Variants in SLC37A1 observed in about 807,000 individuals in gnomAD.
SLC37A1 encodes the protein glucose-6-phosphate exchanger SLC37A1.
A neutral mutation model predicts 75.3 loss-of-function variants in SLC37A1; 49 were observed. The observed-to-expected ratio is 0.65, with a 90% confidence interval of 0.52 to 0.83. The LOEUF (loss-of-function observed/expected upper bound fraction) is 0.83. SLC37A1 is among the 40% of genes least tolerant of loss of function. The probability of loss-of-function intolerance (pLI) is 0.00; values close to 1 mark genes in which losing one functional copy is unlikely to be tolerated. For missense variants in SLC37A1, 566 were observed against 695.0 expected (o/e 0.81, Z 2.09); for synonymous variants, 268 against 292.1 (o/e 0.92, Z 0.84).
At position 42,556,388 on chromosome 21, in the gene SLC37A1, G is replaced by A. The variant is rs181291225; in HGVS notation, c.849+2246G>A. ...TGTGACTCCACCGTGCACTTTGCAC[G>A]CCAAGTGGGGACTCCACAAATCTCT... is the stretch of plus-strand genomic sequence containing the variant. On this transcript the variant is annotated intron_variant, in intron 10 of 19. Transcript: ENST00000352133. Among the ~76,000 whole-genome samples the A allele has an allele frequency of 4.6e-4, 70 of 152,350 alleles. No individual in the cohort carries two copies. The East Asian group carries it at 0.01, about 22-fold the overall frequency.
chr21:42,562,173 G>A lies in SLC37A1; in HGVS notation c.1072+5G>A, dbSNP rs748857026. 6.2e-7 allele frequency: 1 copy of A among 1,613,174 alleles called. No individual in the cohort carries two copies. Among genetic ancestry groups the A allele is most frequent in the Non-Finnish European group, 8.5e-7 (1 of 1,179,152 alleles). On this transcript the variant is annotated splice_donor_5th_base_variant and intron_variant, in intron 12 of 19. Coordinates refer to ENST00000352133, the MANE Select transcript of SLC37A1 (RefSeq NM_001320537.2). The stretch of plus-strand genomic sequence containing the variant: ...CCCTGTACATCACGAATGTGGGTGA[G>A]TATCCACGCTAGAACACATTAAATT...
chr21:42,537,585 T>C (rs1047518662), intron 5 of SLC37A1, among the ~76,000 whole-genome samples: 4 of 152,176 alleles, frequency 2.6e-5, no homozygotes, highest in Admixed American at 6.5e-5. Context: ...ATCTAGTGGC[T>C]AGAAACCAGG....
In SLC37A1 at chr21:42,500,999, G is replaced by A. The variant is rs114058413; in HGVS notation, c.-301+1256G>A. 8.6e-3 allele frequency among the ~76,000 whole-genome samples: 1,315 copies of A among 152,328 alleles called. 25 individuals are homozygous for A. The highest frequency in any genetic ancestry group is 0.03 in the African/African-American group (1,245 of 41,572). On this transcript the variant is annotated intron_variant, in intron 1 of 20. Transcript: ENST00000398341. ...CCAGGAAGTGAGATTATTCAGTGAT[G>A]CATCAAAACCAGTAGGGAAAACAGT... is the stretch of plus-strand genomic sequence containing the variant.
At chr21:42,526,440 G>A (rs1306566693) in intron 3 of SLC37A1, among the ~76,000 whole-genome samples, 2 of 152,344 alleles carry the variant, frequency 1.3e-5, no homozygotes, top group South Asian at 2.1e-4. Context: ...GGCCTGAGAG[G>A]CATTAGAGTC....
chr21:42,568,479 G>A (rs758650141), intron 17 of SLC37A1, 41 bp downstream of exon 17: 2 of 1,583,230 alleles, frequency 1.3e-6, no homozygotes, highest in East Asian at 4.5e-5. Context: ...TGGTGTCTTA[G>A]GGGAAATCAC....
In SLC37A1 at chr21:42,576,975, C is replaced by A. The variant is rs7276962; in HGVS notation, c.1521+2060C>A. Among the ~76,000 whole-genome samples, 752 of 152,208 alleles carry A rather than the reference C, an allele frequency of 4.9e-3. 6 individuals carry two copies. Among genetic ancestry groups the A allele is most frequent in the African/African-American group, 0.017 (720 of 41,526 alleles). On this transcript the variant is annotated intron_variant, in intron 18 of 19. Coordinates refer to ENST00000352133, the MANE Select transcript of SLC37A1 (RefSeq NM_001320537.2). ...GGAAGATGATAGACTGGATTTGAAG[C>A]AATATTTTAAGACAAAATAGCTGAG...
chr21:42,574,742 C>T, intron 17 of SLC37A1, 76 bp from the exon 18 acceptor site: 4 of 1,420,734 alleles, frequency 2.8e-6, no homozygotes, highest in Non-Finnish European at 3.9e-6. Flanking sequence ...TGTTGAGCCC[C>T]ATTCTCTGTG....
At position 42,545,705 on chromosome 21, in the gene SLC37A1, A is replaced by G. The variant is rs1468446086; in HGVS notation, c.731-1398A>G. 2.0e-5 allele frequency among the ~76,000 whole-genome samples: 3 copies of G among 152,272 alleles called. No homozygotes were observed. The highest frequency in any genetic ancestry group is 7.2e-5 in the African/African-American group (3 of 41,474). ...AAGCCCCTGGCTTACCCCTGGGGGCATCACACTGTGAGTGGATACCGATGG... is the reference window on the plus strand; with the variant it reads ...AAGCCCCTGGCTTACCCCTGGGGGCGTCACACTGTGAGTGGATACCGATGG... On this transcript the variant is annotated intron_variant, in intron 8 of 19. Transcript: ENST00000352133. This position sits in a 1 kb window ranked among gnomAD's most constrained non-coding sequence, Gnocchi z 4.0.
intron 2 of SLC37A1, among the ~76,000 whole-genome samples, chr21:42,523,142 C>T (rs943872735): frequency 6.6e-6 from 1 of 152,240 alleles, no homozygotes; most frequent in Non-Finnish European, 1.5e-5. Flanking sequence ...TCCTTCCTAG[C>T]TGGGTGATAA....
chr21:42,564,113 CAG>C (rs1249308039), intron 13 of SLC37A1, among the ~76,000 whole-genome samples: 3 of 151,196 alleles, frequency 2.0e-5, no homozygotes, highest in East Asian at 1.9e-4. Flanking sequence ...CAGCTGGACT[CAG>C]GGGCTCATGC....
Position 42,565,427 on chromosome 21 carries a change from A to G in SLC37A1, c.1222-400A>G, listed in dbSNP as rs112915824. On this transcript the variant is annotated intron_variant, in intron 14 of 19. Transcript: ENST00000352133. The stretch of plus-strand genomic sequence containing the variant: ...CATGGCCCAACACAGAACATGAAAG[A>G]ATGCTGAGTGAAGAAATGCTTGGGT... Among the ~76,000 whole-genome samples the G allele has an allele frequency of 2.0e-3, 308 of 152,388 alleles. 1 individual carries two copies. Among genetic ancestry groups the G allele is most frequent in the African/African-American group, 6.7e-3 (280 of 41,592 alleles).
chr21:42,550,895 A>G (rs1026462893), intron 9 of SLC37A1, among the ~76,000 whole-genome samples: 11 of 114,844 alleles, frequency 9.6e-5, no homozygotes, highest in Admixed American at 7.0e-4. Context: ...AAAACACTCA[A>G]CAAACTAGGA....
At chr21:42,525,368 CGG>C (rs1331576945) in intron 2 of SLC37A1, among the ~76,000 whole-genome samples, 2 of 152,194 alleles carry the variant, frequency 1.3e-5, no homozygotes, top group African/African-American at 2.4e-5. Context: ...GGGGCAGCCT[CGG>C]CCGGAGCCCC....
Position 42,548,618 on chromosome 21 carries a change from G to A in SLC37A1, c.768+1478G>A, listed in dbSNP as rs940049291. Among the ~76,000 whole-genome samples, 3 of 152,152 alleles carry A rather than the reference G, an allele frequency of 2.0e-5. No individual in the cohort carries two copies. Among genetic ancestry groups the A allele is most frequent in the Non-Finnish European group, 4.4e-5 (3 of 68,024 alleles). On this transcript the variant is annotated intron_variant, in intron 9 of 19. Coordinates refer to ENST00000352133, the MANE Select transcript of SLC37A1 (RefSeq NM_001320537.2). This position sits in a 1 kb window ranked among gnomAD's most constrained non-coding sequence, Gnocchi z 5.6. ...CTCTCCTCCGAGCCACTGCTCATCA[G>A]CCTCCTAGAACGATCCACTCTTGCT...
upstream of SLC37A1, among the ~76,000 whole-genome samples, chr21:42,510,313 A>G (rs1422730596): frequency 6.6e-6 from 1 of 152,206 alleles, no homozygotes; most frequent in Admixed American, 6.5e-5. Flanking sequence ...GGCGAGAGCC[A>G]TAGCGCCTGG....
intron 3 of SLC37A1, among the ~76,000 whole-genome samples, chr21:42,527,543 A>C (rs1043472166): frequency 2.4e-4 from 36 of 152,222 alleles, no homozygotes; most frequent in Non-Finnish European, 4.0e-4. Context: ...GGTATGACAA[A>C]CTGCCACATA....
chr21:42,570,282 T>TTGCCA (rs60088005), intron 17 of SLC37A1, among the ~76,000 whole-genome samples: 2,222 of 16,516 alleles, frequency 0.13, 527 homozygotes, highest in African/African-American at 0.34. Flanking sequence ...AGGGTGGCCG[T>TTGCCA]TGTCATGCGA....
In SLC37A1 at chr21:42,580,481, AC is replaced by A. The variant is rs2056403615; in HGVS notation, c.*123del. 2 of 1,127,622 alleles carry A rather than the reference AC, an allele frequency of 1.8e-6. No individual in the cohort carries two copies. Among genetic ancestry groups the A allele is most frequent in the Admixed American group, 5.1e-5 (2 of 39,114 alleles). 69.9% of individuals were successfully genotyped at this position (1,127,622 alleles called of 1,614,324 possible). A position where few individuals can be genotyped will look rare whatever the true frequency, so the allele number is the denominator to read the frequency against. Reference sequence around the variant, plus strand: ...ACCTCCCTTTGCCTTTTGCACACGCACCTGGAAAAGACACAGAAGCCAACCT... The same window carrying A: ...ACCTCCCTTTGCCTTTTGCACACGCACTGGAAAAGACACAGAAGCCAACCT... On this transcript the variant is annotated 3_prime_UTR_variant, in exon 20 of 20. Coordinates refer to ENST00000352133, the MANE Select transcript of SLC37A1 (RefSeq NM_001320537.2).
intron 10 of SLC37A1, among the ~76,000 whole-genome samples, chr21:42,555,180 G>T (rs2055658240): frequency 1.3e-5 from 2 of 151,810 alleles, no homozygotes; most frequent in South Asian, 4.2e-4. Context: ...TAGAGATGGG[G>T]TTTCACCATG....
Sources: allele counts gnomAD v4.1 joint callset (sites outside exome capture counted in the v4.1 genomes callset), GRCh38; gene constraint gnomAD v4.1.1; non-coding constraint Gnocchi (gnomAD v3.1); transcripts MANE v1.5; gene names NCBI Gene and HGNC (gene_info 2026-07-23, HGNC 2026-07-21).